Variants in AKAP6 observed in about 807,000 individuals in gnomAD.
AKAP6 encodes the protein A-kinase anchoring protein 6.
A neutral mutation model predicts 188.5 loss-of-function variants in AKAP6; 58 were observed. The ratio of observed to expected loss-of-function variants is 0.31; its 90% confidence interval spans 0.25 to 0.38. The LOEUF (loss-of-function observed/expected upper bound fraction) is 0.38. Ranked by LOEUF, AKAP6 falls within the 10% of genes least tolerant of loss-of-function variation. The pLI is 1.00. For synonymous variants in AKAP6, 989 were observed against 998.6 expected, an observed-to-expected ratio of 0.99 and a Z score of 0.18; for missense variants, 2,710 against 2,740.0, an observed-to-expected ratio of 0.99 and a Z score of 0.24.
chr14:32,635,236 A>G (rs1887436285), intron 7 of AKAP6, among the ~76,000 whole-genome samples: 1 of 152,092 alleles, frequency 6.6e-6, no homozygotes, highest in African/African-American at 2.4e-5. Flanking sequence ...AATAGGAGCA[A>G]GGAAAAGCAG....
intron 7 of AKAP6, among the ~76,000 whole-genome samples, chr14:32,608,665 A>C (rs1451054852): frequency 1.3e-5 from 2 of 152,164 alleles, no homozygotes; most frequent in African/African-American, 4.8e-5. Flanking sequence ...TAGGTAGCTT[A>C]CTTTTTTCCT....
Position 32,546,726 on chromosome 14 carries a change from A to G in AKAP6, c.2073A>G (p.Thr691=). Residue 691 remains threonine (T), a synonymous_variant, in exon 4 of 14, where the codon ACA becomes ACG. Transcript: ENST00000280979. ...YPTYHVKKKH[T]RLGRVSPSSS... ...CCTATCATGTCAAAAAGAAGCATAC[A>G]AGGCTAGGCAGGGTGTCTCCAAGCT... is the stretch of plus-strand genomic sequence containing the variant. The G allele has an allele frequency of 6.2e-7, 1 of 1,614,110 alleles. No homozygotes were observed. Among genetic ancestry groups the G allele is most frequent in the Non-Finnish European group, 8.5e-7 (1 of 1,180,004 alleles).
At chr14:32,629,859 G>A (rs1293509028) in intron 7 of AKAP6, among the ~76,000 whole-genome samples, 2 of 151,300 alleles carry the variant, frequency 1.3e-5, no homozygotes, top group Admixed American at 6.6e-5. Context: ...AGGATCTCTT[G>A]AGGCCAGGAC....
intron 2 of AKAP6, among the ~76,000 whole-genome samples, chr14:32,488,515 C>CA (rs1222100947): frequency 2.0e-5 from 3 of 152,190 alleles, no homozygotes; most frequent in Non-Finnish European, 4.4e-5. Context: ...TCCCTGGCTT[C>CA]AGCCCCCTTT....
intron 2 of AKAP6, among the ~76,000 whole-genome samples, chr14:32,443,836 C>T (rs540756697): frequency 2.4e-4 from 36 of 152,232 alleles, no homozygotes; most frequent in Admixed American, 2.0e-3. Flanking sequence ...TATGGTTTTT[C>T]GGGTTACATA....
At chr14:32,563,331 C>A (rs1274112036) in intron 4 of AKAP6, among the ~76,000 whole-genome samples, 1 of 152,132 alleles carries the variant, frequency 6.6e-6, no homozygotes, top group Non-Finnish European at 1.5e-5. Context: ...GCTCCAGTTT[C>A]CTCCTGCAAA....
chr14:32,748,278 G>A (rs578134489), intron 11 of AKAP6, among the ~76,000 whole-genome samples: 1 of 152,306 alleles, frequency 6.6e-6, no homozygotes, highest in East Asian at 1.9e-4. Flanking sequence ...GCTTGGGTTT[G>A]TCCTAGCTCT....
chr14:32,753,506 G>A (rs1035515751), intron 11 of AKAP6, among the ~76,000 whole-genome samples: 9 of 152,066 alleles, frequency 5.9e-5, no homozygotes, highest in East Asian at 3.8e-4. Flanking sequence ...TCCTTTCTGT[G>A]CAGAGCTTTT....
chr14:32,380,485 AAATG>A (rs1281979591), intron 1 of AKAP6, among the ~76,000 whole-genome samples: 1 of 152,244 alleles, frequency 6.6e-6, no homozygotes, highest in African/African-American at 2.4e-5. Context: ...GTGACTGAAT[AAATG>A]AATGAAGATT....
rs181557159 is a variant in AKAP6 at position 32,383,966 on chromosome 14, A to G, written c.-34-49494A>G. On this transcript the variant is annotated intron_variant, in intron 1 of 13. Transcript: ENST00000280979. ...AACTTAAAGTTCTGATGAACACTCC[A>G]GTGTTCTCTGCTTTTGCCATTGTGC... 4.6e-5 allele frequency among the ~76,000 whole-genome samples: 7 copies of G among 152,286 alleles called. No individual in the cohort carries two copies. The East Asian group carries it at 1.4e-3, about 29-fold the overall frequency.
intron 2 of AKAP6, among the ~76,000 whole-genome samples, chr14:32,502,704 A>G (rs1046175180): frequency 3.3e-5 from 5 of 152,076 alleles, no homozygotes; most frequent in Admixed American, 3.3e-4. Context: ...GTTTTATCCT[A>G]TACATACTGT....
chr14:32,492,259 G>T (rs542625694), intron 2 of AKAP6, among the ~76,000 whole-genome samples: 43 of 150,410 alleles, frequency 2.9e-4, no homozygotes, highest in African/African-American at 1.0e-3. Context: ...CTCTTTTTCT[G>T]GGTTAGGTGT....
chr14:32,471,508 C>T (rs1318443132), intron 2 of AKAP6, among the ~76,000 whole-genome samples: 1 of 152,214 alleles, frequency 6.6e-6, no homozygotes, highest in East Asian at 1.9e-4. Context: ...TCTTTCTTGT[C>T]AGTGGGGGAA....
chr14:32,483,360 G>C (rs1456455567), intron 2 of AKAP6, among the ~76,000 whole-genome samples: 1 of 151,868 alleles, frequency 6.6e-6, no homozygotes, highest in Non-Finnish European at 1.5e-5. Context: ...TACTTTTCTT[G>C]GTTTGCTGTT....
chr14:32,716,351 A>G (rs989063488), intron 9 of AKAP6, among the ~76,000 whole-genome samples: 5 of 151,594 alleles, frequency 3.3e-5, no homozygotes, highest in Non-Finnish European at 5.9e-5. Flanking sequence ...AAACTTTGTC[A>G]CTGTATATAT....
At chr14:32,359,747 T>A (rs1027554415) in intron 1 of AKAP6, among the ~76,000 whole-genome samples, 7 of 152,150 alleles carry the variant, frequency 4.6e-5, no homozygotes, top group African/African-American at 1.4e-4. Flanking sequence ...AAAATGTCCT[T>A]CAATTTGAGT....
At chr14:32,600,255 CA>C (rs112329696) in intron 6 of AKAP6, among the ~76,000 whole-genome samples, 1 of 152,118 alleles carries the variant, frequency 6.6e-6, no homozygotes, top group African/African-American at 2.4e-5. Flanking sequence ...TTTCCATAGA[CA>C]ATTTTTATCA....
chr14:32,447,892 C>T (rs528887527), intron 2 of AKAP6, among the ~76,000 whole-genome samples: 74 of 152,226 alleles, frequency 4.9e-4, no homozygotes, highest in South Asian at 1.0e-3. Flanking sequence ...ACAAGTACAC[C>T]GACATATTTA....
intron 2 of AKAP6, among the ~76,000 whole-genome samples, chr14:32,515,243 T>G (rs1481392170): frequency 6.6e-6 from 1 of 152,138 alleles, no homozygotes; most frequent in African/African-American, 2.4e-5. Flanking sequence ...ACTTATTCAC[T>G]ACCAAGAGAA....
Sources: allele counts gnomAD v4.1 joint callset (sites outside exome capture counted in the v4.1 genomes callset), GRCh38; gene constraint gnomAD v4.1.1; transcripts MANE v1.5; gene names NCBI Gene and HGNC (gene_info 2026-07-23, HGNC 2026-07-21).